The following SPAG16 variants were observed in gnomAD, a reference collection of about 807,000 sequenced individuals.
The protein encoded by SPAG16 is sperm-associated antigen 16 protein.
A neutral mutation model predicts 80.4 loss-of-function variants in SPAG16; 86 were observed. The observed-to-expected ratio is 1.07, with a 90% CI of 0.90 to 1.28. SPAG16 has a LOEUF of 1.28. SPAG16 is among the 50% of genes most tolerant of loss of function. The pLI is 0.00. For missense variants in SPAG16, 870 were observed against 765.3 expected, an observed-to-expected ratio of 1.14 and a Z score of -1.61; for synonymous variants, 294 against 265.9, an observed-to-expected ratio of 1.11 and a Z score of -1.03.
intron 15 of SPAG16, among the ~76,000 whole-genome samples, chr2:214,299,243 C>CTTT (rs33961996): frequency 8.7e-5 from 5 of 57,676 alleles, no homozygotes; most frequent in Admixed American, 2.4e-4. Flanking sequence ...GTGTAGTATA[C>CTTT]TTTTTTTTTT....
intron 4 of SPAG16, among the ~76,000 whole-genome samples, chr2:213,312,998 C>T (rs1026205628): frequency 6.6e-6 from 1 of 151,918 alleles, no homozygotes. Flanking sequence ...GTGAACACTA[C>T]ACAAATATTT....
At chr2:213,358,770 A>C (rs759938337) in intron 7 of SPAG16, among the ~76,000 whole-genome samples, 21 of 152,204 alleles carry the variant, frequency 1.4e-4, no homozygotes, top group Non-Finnish European at 2.8e-4. Flanking sequence ...CAACTCATCA[A>C]AGTCATTCTC....
At chr2:213,288,417 G>T (rs1341387752) in intron 1 of SPAG16, among the ~76,000 whole-genome samples, 1 of 151,978 alleles carries the variant, frequency 6.6e-6, no homozygotes, top group Non-Finnish European at 1.5e-5. Context: ...CCATTCTGCT[G>T]CCCCAGCCTC....
intron 15 of SPAG16, among the ~76,000 whole-genome samples, chr2:214,378,419 T>A (rs1343058185): frequency 6.6e-6 from 1 of 152,210 alleles, no homozygotes. Context: ...ATATCATCAG[T>A]GATGCCACTT....
intron 15 of SPAG16, among the ~76,000 whole-genome samples, chr2:214,317,870 C>T (rs764913628): frequency 1.3e-5 from 2 of 152,288 alleles, no homozygotes; most frequent in South Asian, 2.1e-4. Flanking sequence ...TTGCCTAAAC[C>T]GATCGTGGTC....
intron 10 of SPAG16, among the ~76,000 whole-genome samples, chr2:213,504,252 G>C (rs756555068): frequency 6.6e-6 from 1 of 152,176 alleles, no homozygotes; most frequent in African/African-American, 2.4e-5. Context: ...GCAGTGTGTA[G>C]AGAGGGAAGG....
chr2:213,297,204 A>G lies in SPAG16; in HGVS notation c.184-58A>G, dbSNP rs1575110294. 6 of 1,515,488 alleles carry G rather than the reference A, an allele frequency of 4.0e-6. No individual in the cohort carries two copies. The East Asian group carries it at 6.8e-5, about 17-fold the overall frequency. 93.9% of individuals were successfully genotyped at this position (1,515,488 alleles called of 1,614,324 possible). A position where few individuals can be genotyped will look rare whatever the true frequency, so the allele number is the denominator to read the frequency against. On this transcript the variant is annotated intron_variant, in intron 2 of 15. Coordinates refer to ENST00000331683, the MANE Select transcript of SPAG16 (RefSeq NM_024532.5). Reference sequence around the variant, plus strand: ...GAAGCAAAATTATTTCTGAAGTGAAATAAAGTATTTTATATTTCTGCTCAC... The same window carrying G: ...GAAGCAAAATTATTTCTGAAGTGAAGTAAAGTATTTTATATTTCTGCTCAC...
chr2:213,630,351 TC>T (rs1244212738), intron 10 of SPAG16, among the ~76,000 whole-genome samples: 1 of 150,320 alleles, frequency 6.7e-6, no homozygotes, highest in African/African-American at 2.5e-5. Flanking sequence ...ACCACTGCAC[TC>T]CGGCCTGGGT....
chr2:213,930,287 C>A, intron 12 of SPAG16, 142 bp downstream of exon 12: 1 of 507,382 alleles, frequency 2.0e-6, no homozygotes, highest in Non-Finnish European at 3.3e-6. Flanking sequence ...TTATAGAGAG[C>A]TACTTAAATA....
intron 15 of SPAG16, among the ~76,000 whole-genome samples, chr2:214,409,083 TTAAA>T (rs1324378685): frequency 1.5e-4 from 22 of 151,708 alleles, no homozygotes; most frequent in African/African-American, 2.2e-4. Flanking sequence ...ATTTAAAATA[TTAAA>T]TAGTTAATGC....
At chr2:213,590,165 G>A (rs1422038868) in intron 10 of SPAG16, among the ~76,000 whole-genome samples, 1 of 152,084 alleles carries the variant, frequency 6.6e-6, no homozygotes, top group Non-Finnish European at 1.5e-5. Context: ...TCCTATAAAA[G>A]CTGTAACACC....
intron 13 of SPAG16, among the ~76,000 whole-genome samples, chr2:214,079,467 T>C (rs2051253382): frequency 6.6e-6 from 1 of 152,250 alleles, no homozygotes; most frequent in African/African-American, 2.4e-5. Context: ...GTTAAAATGT[T>C]TTCTTATTTA....
intron 10 of SPAG16, among the ~76,000 whole-genome samples, chr2:213,745,173 A>G (rs2067758843): frequency 1.3e-5 from 2 of 152,210 alleles, no homozygotes; most frequent in Admixed American, 1.3e-4. Context: ...TATGATTTTA[A>G]AAAACTATCT....
At chr2:213,402,442 A>T (rs1214442829) in intron 9 of SPAG16, among the ~76,000 whole-genome samples, 1 of 151,952 alleles carries the variant, frequency 6.6e-6, no homozygotes, top group African/African-American at 2.4e-5. Context: ...TATTATTATT[A>T]TACTTTAAGT....
intron 10 of SPAG16, among the ~76,000 whole-genome samples, chr2:213,639,123 A>G (rs554225466): frequency 1.1e-3 from 168 of 152,260 alleles, no homozygotes; most frequent in African/African-American, 3.9e-3. Context: ...CCTTAAGTTT[A>G]TATGAGTCCT....
chr2:213,644,730 C>A (rs1282129707), intron 10 of SPAG16, among the ~76,000 whole-genome samples: 4 of 152,180 alleles, frequency 2.6e-5, no homozygotes, highest in Admixed American at 2.6e-4. Context: ...CTGTTCTGAA[C>A]CACCTAAATC....
intron 15 of SPAG16, among the ~76,000 whole-genome samples, chr2:214,202,144 C>T (rs1476986844): frequency 1.3e-5 from 2 of 152,116 alleles, no homozygotes; most frequent in East Asian, 3.9e-4. Context: ...CCATGCTCAG[C>T]CAAAAATCAC....
At chr2:214,130,757 TG>T (rs2054726015) in intron 14 of SPAG16, among the ~76,000 whole-genome samples, 1 of 152,172 alleles carries the variant, frequency 6.6e-6, no homozygotes, top group South Asian at 2.1e-4. Context: ...ATGCCAATAA[TG>T]ACACTGAAAA....
intron 14 of SPAG16, among the ~76,000 whole-genome samples, chr2:214,110,113 G>A (rs1049315488): frequency 1.3e-5 from 2 of 151,996 alleles, no homozygotes; most frequent in African/African-American, 4.8e-5. Context: ...CAGATATGAG[G>A]TTTAGGTGTC....
Sources: gnomAD v4.1 joint callset for allele counts (sites outside exome capture counted in the v4.1 genomes callset) on GRCh38, gnomAD v4.1.1 for gene constraint, MANE v1.5 for transcripts, NCBI Gene and HGNC (gene_info 2026-07-23, HGNC 2026-07-21) for gene names.